Variants in PTPRN2 observed in about 807,000 individuals in gnomAD.
PTPRN2 encodes the protein receptor-type tyrosine-protein phosphatase N2.
PTPRN2 carries 74 observed loss-of-function variants against 118.8 expected under a neutral mutation model. The observed-to-expected ratio is 0.62, with a 90% CI of 0.52 to 0.76. PTPRN2 has a LOEUF of 0.76. Ranked by LOEUF, PTPRN2 falls within the 30% of genes least tolerant of loss-of-function variation. PTPRN2 has a pLI of 0.00. For missense variants in PTPRN2, 1,481 were observed against 1,394.4 expected, an observed-to-expected ratio of 1.06 and a Z score of -0.99; for synonymous variants, 641 against 608.0, an observed-to-expected ratio of 1.05 and a Z score of -0.80.
At chr7:158,357,093 C>A (rs937662531) in intron 2 of PTPRN2, among the ~76,000 whole-genome samples, 9 of 152,230 alleles carry the variant, frequency 5.9e-5, no homozygotes, top group Non-Finnish European at 1.3e-4. Flanking sequence ...TTCCATGGTC[C>A]TGTGCAAACA....
intron 12 of PTPRN2, among the ~76,000 whole-genome samples, chr7:157,774,839 C>CG (rs1563094546): frequency 2.0e-5 from 3 of 152,032 alleles, no homozygotes; most frequent in Admixed American, 2.0e-4. Context: ...ACCAGTCCGA[C>CG]GGGGGAGGCT....
At chr7:158,401,904 G>T (rs764754321) in intron 2 of PTPRN2, among the ~76,000 whole-genome samples, 2 of 152,112 alleles carry the variant, frequency 1.3e-5, no homozygotes, top group African/African-American at 2.4e-5. Flanking sequence ...CCACACTGCC[G>T]CCCAGACCTC....
chr7:158,486,109 T>G (rs1047190108), intron 2 of PTPRN2, among the ~76,000 whole-genome samples: 1 of 152,230 alleles, frequency 6.6e-6, no homozygotes, highest in African/African-American at 2.4e-5. Flanking sequence ...GCTTCAAGTT[T>G]TCTTTAGTAT....
chr7:157,806,769 G>A (rs1805660775), intron 12 of PTPRN2, among the ~76,000 whole-genome samples: 1 of 152,236 alleles, frequency 6.6e-6, no homozygotes, highest in Non-Finnish European at 1.5e-5. Flanking sequence ...CTGGGTTGAG[G>A]CACTGAGAAC....
chr7:157,855,308 C>G (rs573048738), intron 12 of PTPRN2, among the ~76,000 whole-genome samples: 5 of 152,314 alleles, frequency 3.3e-5, no homozygotes, highest in Admixed American at 6.5e-5. Context: ...GCCGGCTTCT[C>G]GAGCTCGGCC....
intron 11 of PTPRN2, among the ~76,000 whole-genome samples, chr7:157,993,467 C>T (rs533465376): frequency 1.2e-4 from 19 of 152,136 alleles, no homozygotes; most frequent in South Asian, 4.1e-4. Context: ...TTCCATGACG[C>T]GTCCACCCAG....
intron 4 of PTPRN2, among the ~76,000 whole-genome samples, chr7:158,193,931 A>G (rs1360861414): frequency 6.6e-6 from 1 of 150,510 alleles, no homozygotes. Flanking sequence ...AAAAAGGAAT[A>G]TAATGTGAGG....
intron 12 of PTPRN2, among the ~76,000 whole-genome samples, chr7:157,853,775 G>A (rs1025862827): frequency 1.3e-5 from 2 of 152,172 alleles, no homozygotes; most frequent in Non-Finnish European, 2.9e-5. Flanking sequence ...CCCCAAATTC[G>A]CATGCCAAGC....
chr7:158,555,594 C>CAGCT lies in PTPRN2; in HGVS notation c.112+31960_112+31963dup, dbSNP rs1410338744. The stretch of plus-strand genomic sequence containing the variant: ...ATATTTCCACTCAACTGGCATCTTC[C>CAGCT]AGCTGTCCCCCAGACCCAGCCTCCC... On this transcript the variant is annotated intron_variant, in intron 1 of 22. Coordinates refer to ENST00000389418, the MANE Select transcript of PTPRN2 (RefSeq NM_002847.5). This position sits in a 1 kb window ranked among gnomAD's most constrained non-coding sequence, Gnocchi z 4.7. Among the ~76,000 whole-genome samples the CAGCT allele has an allele frequency of 6.6e-6, 1 of 152,220 alleles. No homozygotes were observed. The highest frequency in any genetic ancestry group is 1.5e-5 in the Non-Finnish European group (1 of 68,042).
intron 21 of PTPRN2, among the ~76,000 whole-genome samples, chr7:157,552,913 A>T (rs1316895917): frequency 3.3e-5 from 5 of 152,188 alleles, no homozygotes; most frequent in Non-Finnish European, 4.4e-5. Flanking sequence ...ATGACGCATG[A>T]TTACGTGTAA....
rs1286839740 is a variant in PTPRN2, at chr7:157,622,692, AC to A, written c.2197-1184del. The stretch of plus-strand genomic sequence containing the variant: ...CGGGCACCTGTGCTGTTTGCGCGAC[AC>A]CCCCGCATCTGGGTGGGTGTGGTGG... On this transcript the variant is annotated intron_variant, in intron 14 of 22. Coordinates refer to ENST00000389418, the MANE Select transcript of PTPRN2 (RefSeq NM_002847.5). This position sits in a 1 kb window ranked among gnomAD's most constrained non-coding sequence, Gnocchi z 5.3. 6.6e-6 allele frequency among the ~76,000 whole-genome samples: 1 copy of A among 151,846 alleles called. No homozygotes were observed. Among genetic ancestry groups the A allele is most frequent in the East Asian group, 1.9e-4 (1 of 5,170 alleles).
intron 11 of PTPRN2, among the ~76,000 whole-genome samples, chr7:157,907,241 C>T (rs537146291): frequency 2.6e-5 from 4 of 152,192 alleles, no homozygotes; most frequent in African/African-American, 4.8e-5. Context: ...CAGCTCTGTG[C>T]GGCCACTGGC....
chr7:158,325,379 C>G (rs1354098592), intron 2 of PTPRN2, among the ~76,000 whole-genome samples: 1 of 150,934 alleles, frequency 6.6e-6, no homozygotes, highest in Admixed American at 6.6e-5. Context: ...TTTTTTTTAA[C>G]ATTTCTTATT....
intron 11 of PTPRN2, among the ~76,000 whole-genome samples, chr7:158,056,582 C>T (rs902560762): frequency 6.6e-6 from 1 of 152,176 alleles, no homozygotes; most frequent in Non-Finnish European, 1.5e-5. Context: ...GTGTGCATCC[C>T]GTCACCAGCC....
intron 1 of PTPRN2, among the ~76,000 whole-genome samples, chr7:158,581,003 G>A (rs956425170): frequency 2.0e-5 from 3 of 152,194 alleles, no homozygotes; most frequent in African/African-American, 7.2e-5. Context: ...GTGCCAAAGA[G>A]CACTTTAAAA....
intron 3 of PTPRN2, among the ~76,000 whole-genome samples, chr7:158,277,713 ACT>A (rs1384711603): frequency 1.3e-5 from 2 of 152,024 alleles, no homozygotes; most frequent in African/African-American, 4.8e-5. Context: ...GGGAAGAGAA[ACT>A]CTGTACGGTC....
intron 11 of PTPRN2, among the ~76,000 whole-genome samples, chr7:157,982,218 TGA>T (rs1414899939): frequency 4.2e-5 from 3 of 70,796 alleles, no homozygotes; most frequent in Non-Finnish European, 8.3e-5. Context: ...GTCACAGAGA[TGA>T]GGAGGGGAAT....
At chr7:158,149,763 C>T (rs1314811157) in intron 6 of PTPRN2, among the ~76,000 whole-genome samples, 2 of 148,684 alleles carry the variant, frequency 1.3e-5, no homozygotes, top group African/African-American at 5.0e-5. Context: ...GAGATTGTGC[C>T]ATTGCACTCC....
chr7:158,030,960 C>G (rs564881927), intron 11 of PTPRN2: 2 of 152,238 alleles, frequency 1.3e-5, no homozygotes, highest in Non-Finnish European at 2.9e-5. Flanking sequence ...TCTCTGCAAG[C>G]CTTCTCCTTT....
Sources: gnomAD v4.1 joint callset for allele counts (sites outside exome capture counted in the v4.1 genomes callset) on GRCh38, gnomAD v4.1.1 for gene constraint, Gnocchi (gnomAD v3.1) non-coding constraint, MANE v1.5 for transcripts, NCBI Gene and HGNC (gene_info 2026-07-23, HGNC 2026-07-21) for gene names.